The following CFAP95 variants were observed in gnomAD, a reference collection of about 807,000 sequenced individuals.
CFAP95 encodes the protein cilia- and flagella-associated protein 95.
the CFAP95 span, among the ~76,000 whole-genome samples, chr9:69,838,545 G>T: frequency 1.3e-5 from 2 of 151,492 alleles, no homozygotes; most frequent in South Asian, 4.2e-4. Flanking sequence ...TCTGTTGTTG[G>T]TGTATAAGAA....
chr9:69,883,125 T>C, the CFAP95 span, among the ~76,000 whole-genome samples: 1 of 152,128 alleles, frequency 6.6e-6, no homozygotes, highest in Non-Finnish European at 1.5e-5. Flanking sequence ...TTACTTGTTA[T>C]TGGTGTAAGA....
the CFAP95 span, among the ~76,000 whole-genome samples, chr9:69,895,361 CTCTCTCTCTGTGTGTG>C: frequency 1.1e-5 from 1 of 91,712 alleles, no homozygotes; most frequent in African/African-American, 3.8e-5. Context: ...CTCTCTCTCT[CTCTCTCTCTGTGTGTG>C]TGTGTGTGTG....
the CFAP95 span, among the ~76,000 whole-genome samples, chr9:69,887,680 T>C: frequency 2.0e-5 from 3 of 152,226 alleles, no homozygotes. Flanking sequence ...CAGACCTTCC[T>C]GTTGGCACAA....
the CFAP95 span, among the ~76,000 whole-genome samples, chr9:69,897,436 A>G: frequency 6.6e-6 from 1 of 152,222 alleles, no homozygotes; most frequent in African/African-American, 2.4e-5. Context: ...AGGAATTGAG[A>G]CTATGCTTCC....
the CFAP95 span, among the ~76,000 whole-genome samples, chr9:69,893,521 C>T: frequency 6.6e-6 from 1 of 152,184 alleles, no homozygotes; most frequent in African/African-American, 2.4e-5. Context: ...TTGCTTCATT[C>T]CATGTCCCTA....
the CFAP95 span, among the ~76,000 whole-genome samples, chr9:69,836,979 T>C: frequency 3.4e-5 from 5 of 146,844 alleles, no homozygotes; most frequent in Non-Finnish European, 6.0e-5. Context: ...GAATATGCGG[T>C]GTTTGGTTTT....
chr9:69,852,899 G>A, the CFAP95 span, among the ~76,000 whole-genome samples: 2 of 152,166 alleles, frequency 1.3e-5, no homozygotes, highest in Non-Finnish European at 2.9e-5. Context: ...CTCTTTGCCT[G>A]CTGCCATCCA....
the CFAP95 span, among the ~76,000 whole-genome samples, chr9:69,864,429 T>C: frequency 6.6e-6 from 1 of 152,134 alleles, no homozygotes; most frequent in South Asian, 2.1e-4. Context: ...GCAATAAACC[T>C]GCTACGTGAC....
chr9:69,848,765 A>G, the CFAP95 span, among the ~76,000 whole-genome samples: 1 of 152,186 alleles, frequency 6.6e-6, no homozygotes, highest in African/African-American at 2.4e-5. Flanking sequence ...AGGAATGAGA[A>G]TCTTCCCATG....
At chr9:69,841,895 A>G in the CFAP95 span, among the ~76,000 whole-genome samples, 3 of 152,150 alleles carry the variant, frequency 2.0e-5, no homozygotes, top group Non-Finnish European at 4.4e-5. Context: ...TACCTCCCAC[A>G]GGGTGTCTCC....
the CFAP95 span, among the ~76,000 whole-genome samples, chr9:69,864,193 A>G: frequency 6.7e-4 from 102 of 152,296 alleles, no homozygotes; most frequent in Non-Finnish European, 1.1e-3. Flanking sequence ...AAATTTCATA[A>G]TAAATGACTC....
the CFAP95 span, among the ~76,000 whole-genome samples, chr9:69,823,753 A>G: frequency 6.6e-6 from 1 of 152,144 alleles, no homozygotes; most frequent in Non-Finnish European, 1.5e-5. Flanking sequence ...GGGCCGTTTT[A>G]TAGGATTTGG....
the CFAP95 span, among the ~76,000 whole-genome samples, chr9:69,856,372 C>T: frequency 6.6e-6 from 1 of 152,118 alleles, no homozygotes; most frequent in Non-Finnish European, 1.5e-5. Context: ...CAACAGCATC[C>T]AGTAATTGCT....
At chr9:69,858,298 A>G in the CFAP95 span, 23 of 320,440 alleles carry the variant, frequency 7.2e-5, no homozygotes, top group East Asian at 3.1e-4. Flanking sequence ...CAGAATGGTA[A>G]AAAAGGGAAG....
the CFAP95 span, among the ~76,000 whole-genome samples, chr9:69,827,238 A>G: frequency 6.6e-6 from 1 of 152,224 alleles, no homozygotes; most frequent in African/African-American, 2.4e-5. Flanking sequence ...AAAAAATTCC[A>G]AATTATAATA....
the CFAP95 span, chr9:69,821,056 C>G: frequency 6.2e-7 from 1 of 1,608,162 alleles, no homozygotes; most frequent in Admixed American, 1.7e-5. Flanking sequence ...CTCGCAAGTT[C>G]CCGGGTGCTG....
the CFAP95 span, among the ~76,000 whole-genome samples, chr9:69,824,424 G>C: frequency 6.6e-6 from 1 of 152,248 alleles, no homozygotes; most frequent in African/African-American, 2.4e-5. Context: ...TCTCAGAGCG[G>C]AAAAAAGGCA....
the CFAP95 span, among the ~76,000 whole-genome samples, chr9:69,857,195 T>C: frequency 6.6e-6 from 1 of 152,178 alleles, no homozygotes; most frequent in African/African-American, 2.4e-5. Context: ...CTCTGAGTAT[T>C]TTATGTCCTA....
the CFAP95 span, among the ~76,000 whole-genome samples, chr9:69,880,046 C>A: frequency 1.1e-5 from 1 of 88,032 alleles, no homozygotes; most frequent in African/African-American, 4.5e-5. Flanking sequence ...TTATAGAATA[C>A]ATGAGATTTT....
Sources: gnomAD v4.1 joint callset for allele counts (sites outside exome capture counted in the v4.1 genomes callset) on GRCh38, gnomAD v4.1.1 for gene constraint, MANE v1.5 for transcripts, NCBI Gene and HGNC (gene_info 2026-07-23, HGNC 2026-07-21) for gene names.